Variants in AGBL4 observed in about 807,000 individuals in gnomAD.
AGBL4 encodes cytosolic carboxypeptidase 6.
A neutral mutation model predicts 66.4 loss-of-function variants in AGBL4; 58 were observed. The observed-to-expected ratio is 0.87, with a 90% CI of 0.71 to 1.09. The LOEUF (loss-of-function observed/expected upper bound fraction) is 1.09. Among genes scored for constraint, AGBL4 ranks in the 50% least tolerant of loss-of-function variants. The pLI is 0.00. For synonymous variants in AGBL4, 234 were observed against 222.9 expected, an observed-to-expected ratio of 1.05 and a Z score of -0.44; for missense variants, 579 against 631.0, an observed-to-expected ratio of 0.92 and a Z score of 0.88.
At chr1:49,300,663 A>C (rs553267323) in intron 3 of AGBL4, among the ~76,000 whole-genome samples, 1 of 152,240 alleles carries the variant, frequency 6.6e-6, no homozygotes, top group African/African-American at 2.4e-5. Flanking sequence ...TATTGTCTTT[A>C]AGACAAATTC....
intron 6 of AGBL4, among the ~76,000 whole-genome samples, chr1:48,850,322 CT>C (rs1647006500): frequency 6.6e-6 from 1 of 152,046 alleles, no homozygotes; most frequent in African/African-American, 2.4e-5. Flanking sequence ...ATCATTCTGG[CT>C]TTGTGGTCAG....
At chr1:49,981,390 A>G (rs1463071310) in intron 1 of AGBL4, among the ~76,000 whole-genome samples, 1 of 152,098 alleles carries the variant, frequency 6.6e-6, no homozygotes, top group East Asian at 1.9e-4. Context: ...GTATATATTT[A>G]TATGTCTTAA....
At chr1:49,730,198 A>G (rs1311012033) in intron 2 of AGBL4, among the ~76,000 whole-genome samples, 5 of 152,006 alleles carry the variant, frequency 3.3e-5, no homozygotes, top group African/African-American at 9.7e-5. Context: ...CTGTCACTCA[A>G]TAAAATTATT....
At chr1:48,907,517 A>T (rs1652715188) in intron 5 of AGBL4, among the ~76,000 whole-genome samples, 1 of 152,028 alleles carries the variant, frequency 6.6e-6, no homozygotes, top group Non-Finnish European at 1.5e-5. Context: ...GCCAGGGGGG[A>T]AAGGCCTGGT....
chr1:49,311,100 C>A (rs927648857), intron 3 of AGBL4, among the ~76,000 whole-genome samples: 1 of 151,932 alleles, frequency 6.6e-6, no homozygotes, highest in East Asian at 1.9e-4. Flanking sequence ...ATTATTTAGT[C>A]CAAGACTTAG....
chr1:49,071,394 T>A (rs1283589012), intron 4 of AGBL4, among the ~76,000 whole-genome samples: 3 of 152,000 alleles, frequency 2.0e-5, no homozygotes, highest in African/African-American at 7.3e-5. Context: ...GCTATAAATT[T>A]CCCTCTACAC....
intron 1 of AGBL4, among the ~76,000 whole-genome samples, chr1:50,023,498 G>A (rs1024685413): frequency 6.6e-6 from 1 of 152,100 alleles, no homozygotes; most frequent in Non-Finnish European, 1.5e-5. Flanking sequence ...TCTTCCCTCA[G>A]GTCCCAGCCC....
chr1:49,948,690 T>C (rs986079405), intron 1 of AGBL4, among the ~76,000 whole-genome samples: 2 of 149,248 alleles, frequency 1.3e-5, no homozygotes, highest in Non-Finnish European at 3.0e-5. Context: ...AAATCATAGA[T>C]GACACAAACA....
intron 3 of AGBL4, among the ~76,000 whole-genome samples, chr1:49,255,011 C>A (rs1402874054): frequency 6.6e-6 from 1 of 152,094 alleles, no homozygotes; most frequent in African/African-American, 2.4e-5. Context: ...CAAAAATCAA[C>A]TCAAGATGGA....
At chr1:49,286,162 C>T (rs1003325730) in intron 3 of AGBL4, among the ~76,000 whole-genome samples, 40 of 152,302 alleles carry the variant, frequency 2.6e-4, no homozygotes, top group Non-Finnish European at 4.0e-4. Flanking sequence ...AATTCAACAA[C>T]GCTTCATGCT....
intron 2 of AGBL4, among the ~76,000 whole-genome samples, chr1:49,806,541 A>T (rs1644981043): frequency 6.6e-6 from 1 of 152,238 alleles, no homozygotes; most frequent in African/African-American, 2.4e-5. Flanking sequence ...CAGAACTTAA[A>T]GATCTGAAAA....
chr1:48,887,336 A>C (rs573284703), intron 5 of AGBL4, among the ~76,000 whole-genome samples: 1 of 152,272 alleles, frequency 6.6e-6, no homozygotes, highest in African/African-American at 2.4e-5. Context: ...GGGCACAGTG[A>C]TGGAGAAGGA....
intron 2 of AGBL4, among the ~76,000 whole-genome samples, chr1:49,725,678 G>A (rs1352447291): frequency 7.2e-6 from 1 of 139,456 alleles, no homozygotes; most frequent in Non-Finnish European, 1.5e-5. Flanking sequence ...CTTTTCCTTT[G>A]TGGGTTTTTT....
intron 2 of AGBL4, among the ~76,000 whole-genome samples, chr1:49,834,309 G>A (rs1003055420): frequency 7.9e-5 from 12 of 152,084 alleles, no homozygotes; most frequent in Admixed American, 7.9e-4. Flanking sequence ...GTTTAGTCTT[G>A]GGAGGGTGTA....
chr1:49,895,189 C>G (rs539427988), intron 1 of AGBL4, among the ~76,000 whole-genome samples: 1 of 149,610 alleles, frequency 6.7e-6, no homozygotes, highest in African/African-American at 2.5e-5. Flanking sequence ...AGAAGACTTT[C>G]CCAGTTTAAA....
At chr1:49,500,360 C>A (rs1226108276) in intron 3 of AGBL4, among the ~76,000 whole-genome samples, 3 of 150,644 alleles carry the variant, frequency 2.0e-5, no homozygotes, top group African/African-American at 4.9e-5. Context: ...TTTTGCTGTG[C>A]AGAAGCTTTT....
intron 5 of AGBL4, among the ~76,000 whole-genome samples, chr1:49,043,305 A>G (rs1643992989): frequency 6.6e-6 from 1 of 152,106 alleles, no homozygotes; most frequent in Non-Finnish European, 1.5e-5. Context: ...GTGTTGGCCA[A>G]TATGGACTCC....
chr1:49,539,139 T>C (rs1651821441), intron 3 of AGBL4, among the ~76,000 whole-genome samples: 2 of 152,158 alleles, frequency 1.3e-5, no homozygotes, highest in African/African-American at 2.4e-5. Context: ...TATGGAAATA[T>C]ATTTATGACA....
At chr1:49,024,222 T>C (rs931465820) in intron 5 of AGBL4, among the ~76,000 whole-genome samples, 1 of 152,114 alleles carries the variant, frequency 6.6e-6, no homozygotes, top group Admixed American at 6.6e-5. Context: ...ATTAATATGG[T>C]TTATCTTTCC....
Sources: gnomAD v4.1 joint callset for allele counts (sites outside exome capture counted in the v4.1 genomes callset) on GRCh38, gnomAD v4.1.1 for gene constraint, MANE v1.5 for transcripts, NCBI Gene and HGNC (gene_info 2026-07-23, HGNC 2026-07-21) for gene names.